The following TMEM132B variants were observed in gnomAD, a reference collection of about 807,000 sequenced individuals.
TMEM132B encodes the protein transmembrane protein 132B.
TMEM132B carries 18 observed loss-of-function variants against 90.8 expected under a neutral mutation model. The observed-to-expected ratio is 0.20, with a 90% CI of 0.14 to 0.29. The LOEUF (loss-of-function observed/expected upper bound fraction) is 0.29. Ranked by LOEUF, TMEM132B falls within the 10% of genes least tolerant of loss-of-function variation. The probability of loss-of-function intolerance (pLI) is 1.00; values close to 1 mark genes in which losing one functional copy is unlikely to be tolerated. For missense variants in TMEM132B, 1,096 were observed against 1,326.8 expected, an observed-to-expected ratio of 0.83 and a Z score of 2.70; for synonymous variants, 504 against 523.3, an observed-to-expected ratio of 0.96 and a Z score of 0.50.
chr12:125,425,771 G>A (rs1880299920), intron 3 of TMEM132B, among the ~76,000 whole-genome samples: 2 of 152,086 alleles, frequency 1.3e-5, no homozygotes, highest in African/African-American at 4.8e-5. Flanking sequence ...GTCTTTTCTT[G>A]GCTTGATAGC....
At chr12:125,354,658 AG>A (rs1877709834) in intron 2 of TMEM132B, among the ~76,000 whole-genome samples, 1 of 152,258 alleles carries the variant, frequency 6.6e-6, no homozygotes, top group Admixed American at 6.5e-5. Flanking sequence ...TGTGGGAGTC[AG>A]AAGTGACCAG....
rs117704565 is a variant in TMEM132B at position 125,559,537 on chromosome 12, C to A, written c.1294-24314C>A. Among the ~76,000 whole-genome samples, 814 of 152,224 alleles carry A rather than the reference C, an allele frequency of 5.3e-3. 5 individuals carry two copies. The highest frequency in any genetic ancestry group is 0.031 in the Middle Eastern group (9 of 294). ...TTCCTGCCCTGGGAAAATTTTGTAA[C>A]CTTGAGCCAGCCAGACGCCCTCCTG... On this transcript the variant is annotated intron_variant, in intron 4 of 8. Coordinates refer to ENST00000682704, the MANE Select transcript of TMEM132B (RefSeq NM_001366854.1).
At chr12:125,568,672 A>G (rs117203120) in intron 4 of TMEM132B, among the ~76,000 whole-genome samples, 2,541 of 152,264 alleles carry the variant, frequency 0.017, 38 homozygotes, top group Non-Finnish European at 0.026. Flanking sequence ...TTCTTGTTTA[A>G]ATATCCAATA....
intron 5 of TMEM132B, among the ~76,000 whole-genome samples, chr12:125,611,206 A>G (rs1486378151): frequency 6.6e-6 from 1 of 152,024 alleles, no homozygotes; most frequent in Non-Finnish European, 1.5e-5. Context: ...CATAACATTT[A>G]TCTACAACTC....
At chr12:125,247,853 T>C (rs911815710) in intron 1 of TMEM132B, among the ~76,000 whole-genome samples, 12 of 152,254 alleles carry the variant, frequency 7.9e-5, no homozygotes, top group Admixed American at 1.3e-4. Flanking sequence ...AAGTAGGGAC[T>C]ACTCCTTGCT....
intron 1 of TMEM132B, chr12:125,326,619 G>T (rs552915157): frequency 3.7e-6 from 6 of 1,606,074 alleles, no homozygotes; most frequent in Non-Finnish European, 5.1e-6. Flanking sequence ...CAGACTCTAC[G>T]GGAAATGTTT....
chr12:125,242,009 A>C (rs1398538511), intron 1 of TMEM132B, among the ~76,000 whole-genome samples: 1 of 152,190 alleles, frequency 6.6e-6, no homozygotes, highest in Non-Finnish European at 1.5e-5. Flanking sequence ...AGGTCCTCCA[A>C]AGATCTGTTG....
At chr12:125,323,841 T>C (rs1876492083) in intron 1 of TMEM132B, among the ~76,000 whole-genome samples, 1 of 152,110 alleles carries the variant, frequency 6.6e-6, no homozygotes. Context: ...ATGAAGAAAA[T>C]GGTAGTGCCT....
intron 2 of TMEM132B, among the ~76,000 whole-genome samples, chr12:125,379,002 A>C (rs1593113318): frequency 1.3e-5 from 2 of 151,958 alleles, no homozygotes; most frequent in Admixed American, 1.3e-4. Flanking sequence ...TCTACAAAGC[A>C]CCTATCACTG....
At chr12:125,247,439 C>T (rs1214665036) in intron 1 of TMEM132B, among the ~76,000 whole-genome samples, 3 of 152,180 alleles carry the variant, frequency 2.0e-5, no homozygotes, top group Non-Finnish European at 2.9e-5. Flanking sequence ...ATGAACCCAT[C>T]TTTGATGCCC....
At chr12:125,574,265 G>A (rs922763390) in intron 4 of TMEM132B, among the ~76,000 whole-genome samples, 2 of 151,770 alleles carry the variant, frequency 1.3e-5, no homozygotes, top group Non-Finnish European at 2.9e-5. Context: ...TTAATATGAA[G>A]CCCTTGTCAC....
At position 125,340,165 on chromosome 12, in the gene TMEM132B, G is replaced by C. The variant is rs1483572310; in HGVS notation, c.68-9287G>C. ...TGGGAAAGCAATTTCTAAGATCAAG[G>C]CTGAGGCACATACCAGAAATGAATG... On this transcript the variant is annotated intron_variant, in intron 1 of 8. Transcript: ENST00000682704. Among the ~76,000 whole-genome samples, 6 of 152,156 alleles carry C rather than the reference G, an allele frequency of 3.9e-5. No homozygotes were observed. The East Asian group carries it at 1.2e-3, about 29-fold the overall frequency.
chr12:125,243,896 C>G (rs757776451), intron 1 of TMEM132B, among the ~76,000 whole-genome samples: 1 of 152,144 alleles, frequency 6.6e-6, no homozygotes, highest in South Asian at 2.1e-4. Context: ...AAGCCCCATA[C>G]GTATTAGCAG....
chr12:125,290,285 A>T (rs967458961), intron 1 of TMEM132B, among the ~76,000 whole-genome samples: 1 of 152,160 alleles, frequency 6.6e-6, no homozygotes. Flanking sequence ...ATGAAACCTT[A>T]CTACCTTCAA....
chr12:125,626,131 C>T (rs1886225341), intron 5 of TMEM132B, among the ~76,000 whole-genome samples: 2 of 152,082 alleles, frequency 1.3e-5, no homozygotes, highest in African/African-American at 4.8e-5. Flanking sequence ...TTTTATTCTT[C>T]CTTAAATTAT....
intron 1 of TMEM132B, among the ~76,000 whole-genome samples, chr12:125,249,050 C>T (rs995085327): frequency 1.3e-5 from 2 of 152,168 alleles, no homozygotes; most frequent in Non-Finnish European, 2.9e-5. Context: ...TGGGGGAGGG[C>T]TTCACATACC....
chr12:125,212,851 CAA>C (rs1873350895), intron 1 of TMEM132B, among the ~76,000 whole-genome samples: 1 of 152,128 alleles, frequency 6.6e-6, no homozygotes, highest in African/African-American at 2.4e-5. Context: ...AATACAAAAA[CAA>C]AGGGTTATAT....
At chr12:125,396,402 G>A (rs1879170840) in intron 2 of TMEM132B, among the ~76,000 whole-genome samples, 1 of 152,214 alleles carries the variant, frequency 6.6e-6, no homozygotes, top group Admixed American at 6.5e-5. Flanking sequence ...TCATCATCGT[G>A]AACACTGTAT....
chr12:125,479,260 A>T (rs1881974723), intron 3 of TMEM132B, among the ~76,000 whole-genome samples: 1 of 152,250 alleles, frequency 6.6e-6, no homozygotes, highest in Admixed American at 6.5e-5. Context: ...CACACATAAC[A>T]GTATTCACCT....
Sources: gnomAD v4.1 joint callset for allele counts (sites outside exome capture counted in the v4.1 genomes callset) on GRCh38, gnomAD v4.1.1 for gene constraint, MANE v1.5 for transcripts, NCBI Gene and HGNC (gene_info 2026-07-23, HGNC 2026-07-21) for gene names.